Variants in DUSP4 observed in about 807,000 individuals in gnomAD.
The protein encoded by DUSP4 is dual specificity protein phosphatase 4.
Under a neutral mutation model 27.2 loss-of-function variants are expected in DUSP4, and 12 were observed. That is an observed-to-expected ratio of 0.44 (90% CI 0.28 to 0.71). The LOEUF (loss-of-function observed/expected upper bound fraction) is 0.71, where lower values mean the gene tolerates loss of function less well. Ranked by LOEUF, DUSP4 falls within the 30% of genes least tolerant of loss-of-function variation. The probability of loss-of-function intolerance (pLI) is 0.14; values close to 1 mark genes in which losing one functional copy is unlikely to be tolerated. For synonymous variants in DUSP4, 257 were observed against 245.2 expected (o/e 1.05, Z -0.45); for missense variants, 448 against 551.3 (o/e 0.81, Z 1.88).
chr8:29,346,205 G>T, intron 1 of DUSP4: 1 of 407,908 alleles, frequency 2.5e-6, no homozygotes, highest in African/African-American at 2.2e-5. Context: ...GGGCTGTATG[G>T]TCAGGCCCTG....
intron 1 of DUSP4, chr8:29,348,349 C>T (rs1817765797): frequency 1.0e-6 from 1 of 985,582 alleles, no homozygotes; most frequent in South Asian, 4.7e-5. Flanking sequence ...CTAACCAGGA[C>T]CTGGCCCCGC....
At position 29,345,244 on chromosome 8, in the gene DUSP4, A is replaced by C. The variant is rs1817713508; in HGVS notation, c.433+4602T>G. ...CTTGCCAGAAAAGTCATGCTCTTGCAAGAAAGTCTGGGGTTGTTTGAAGGC... is the reference window on the plus strand; with the variant it reads ...CTTGCCAGAAAAGTCATGCTCTTGCCAGAAAGTCTGGGGTTGTTTGAAGGC... On this transcript the variant is annotated intron_variant, in intron 1 of 3. Coordinates refer to ENST00000240100, the MANE Select transcript of DUSP4 (RefSeq NM_001394.7). 9.4e-6 allele frequency: 11 copies of C among 1,164,376 alleles called. 1 individual carries two copies. The allele number at this position is 1,164,376 out of a possible 1,614,324, so 72.1% of individuals were successfully genotyped here.
chr8:29,341,732 C>T (rs1817658528), intron 1 of DUSP4, among the ~76,000 whole-genome samples: 1 of 152,150 alleles, frequency 6.6e-6, no homozygotes, highest in African/African-American at 2.4e-5. Context: ...CGGCTGCCAC[C>T]ACTGCTGCCC....
rs1204300773 is a variant in DUSP4, at chr8:29,350,101, A to G, written c.178T>C (p.Tyr60His). Residue 60 changes from tyrosine to histidine, a missense_variant, in exon 1 of 4, where the codon TAC becomes CAC. Physicochemically the swap from Tyr to His is moderately conservative, Grantham distance 83. Coordinates refer to ENST00000240100, the MANE Select transcript of DUSP4 (RefSeq NM_001394.7). ...CGCACGTTGACCGAACCTAGGATGT[A>G]GCCCGCGCTGTGCGCCAGGAACGGT... ...CRPFLAHSAGYILGSVNVRCN... is the reference protein window; with the variant it reads ...CRPFLAHSAGHILGSVNVRCN... 2 of 1,608,826 alleles carry G rather than the reference A, an allele frequency of 1.2e-6. No individual in the cohort carries two copies. The highest frequency in any genetic ancestry group is 2.2e-5 in the East Asian group (1 of 44,816).
intron 1 of DUSP4, chr8:29,345,457 C>G: frequency 6.2e-7 from 1 of 1,613,836 alleles, no homozygotes. Flanking sequence ...GGTTTGCAGT[C>G]TCTCCCAGTC....
intron 1 of DUSP4, among the ~76,000 whole-genome samples, chr8:29,340,588 A>G (rs1265362884): frequency 1.3e-5 from 2 of 152,276 alleles, no homozygotes; most frequent in African/African-American, 4.8e-5. Flanking sequence ...AGCAAAGGTC[A>G]CGCTGGGCTT....
intron 1 of DUSP4, chr8:29,345,775 A>G (rs1308541353): frequency 7.8e-7 from 1 of 1,280,156 alleles, no homozygotes; most frequent in Non-Finnish European, 9.8e-7. Flanking sequence ...ATTTACACCT[A>G]CATCTGTCTT....
rs765560725 is a variant in DUSP4, at chr8:29,336,630, T to C, written c.*396A>G. 5.8e-6 allele frequency: 1 copy of C among 173,160 alleles called. No homozygotes were observed. The highest frequency in any genetic ancestry group is 1.2e-5 in the Non-Finnish European group (1 of 81,820). The allele number at this position is 173,160 out of a possible 1,614,324, so 10.7% of individuals were successfully genotyped here. On this transcript the variant is annotated 3_prime_UTR_variant, in exon 4 of 4. Coordinates refer to ENST00000240100, the MANE Select transcript of DUSP4 (RefSeq NM_001394.7). ...AGGCACTTCTGGGAAACTTGTCTTC[T>C]CATCCCTTTGCCCTCCCTTCCTCCC...
intron 1 of DUSP4, chr8:29,347,849 C>T: frequency 1.7e-5 from 17 of 985,610 alleles, no homozygotes; most frequent in Non-Finnish European, 2.0e-5. Flanking sequence ...GCTCTCGAAT[C>T]GGTCTGGCTG....
At chr8:29,339,744 C>T (rs1287640894) in intron 2 of DUSP4, among the ~76,000 whole-genome samples, 3 of 152,076 alleles carry the variant, frequency 2.0e-5, no homozygotes, top group Non-Finnish European at 4.4e-5. Flanking sequence ...TGGCTCACGC[C>T]TGTGATCCCA....
Position 29,350,573 on chromosome 8 carries a change from T to C in DUSP4, c.-295A>G. 2.7e-6 allele frequency: 1 copy of C among 366,682 alleles called. No individual in the cohort carries two copies. Among genetic ancestry groups the C allele is most frequent in the Non-Finnish European group, 4.9e-6 (1 of 205,644 alleles). 22.7% of individuals were successfully genotyped at this position (366,682 alleles called of 1,614,324 possible). On this transcript the variant is annotated 5_prime_UTR_variant, in exon 1 of 4. Transcript: ENST00000240100. Reference sequence around the variant, plus strand: ...TTTACGAGAGAGGACCGCGGACTCTTTTCGGCGACGGCCTCCCGTGTATTT... The same window carrying C: ...TTTACGAGAGAGGACCGCGGACTCTCTTCGGCGACGGCCTCCCGTGTATTT...
chr8:29,340,638 T>C (rs1349869997), intron 1 of DUSP4, among the ~76,000 whole-genome samples: 1 of 152,128 alleles, frequency 6.6e-6, no homozygotes, highest in Admixed American at 6.5e-5. Context: ...CTGCCACCCC[T>C]GATTCCAGCC....
At position 29,338,359 on chromosome 8, in the gene DUSP4, T is replaced by G; in HGVS notation, c.722A>C (p.Gln241Pro). Residue 241 changes from glutamine (Q) to proline (P), a missense_variant, in exon 3 of 4, where the codon CAG becomes CCG. By Grantham distance (76) the Gln-to-Pro change is moderately conservative. Coordinates refer to ENST00000240100, the MANE Select transcript of DUSP4 (RefSeq NM_001394.7). ...ATCTTCCACTGGGATGCACTTGTAC[T>G]GATAGTGTCCTTCAAAGTGGTTTGG... ...DCPNHFEGHY[Q>P]YKCIPVEDNH... The G allele has an allele frequency of 6.2e-7, 1 of 1,614,204 alleles. No homozygotes were observed. Among genetic ancestry groups the G allele is most frequent in the Non-Finnish European group, 8.5e-7 (1 of 1,180,034 alleles).
chr8:29,334,149 A>C lies in DUSP4; in HGVS notation c.*2877T>G, dbSNP rs1251612729. 6.6e-6 allele frequency: 1 copy of C among 152,234 alleles called. No homozygotes were observed. Among genetic ancestry groups the C allele is most frequent in the Non-Finnish European group, 1.5e-5 (1 of 68,048 alleles). 9.4% of individuals were successfully genotyped at this position (152,234 alleles called of 1,614,324 possible). A position where few individuals can be genotyped will look rare whatever the true frequency, so the allele number is the denominator to read the frequency against. On this transcript the variant is annotated 3_prime_UTR_variant, in exon 4 of 4. Coordinates refer to ENST00000240100, the MANE Select transcript of DUSP4 (RefSeq NM_001394.7). ...GAATAGGCAGCATTCCTCACTCTAC[A>C]GAACACCCAATGAGCATCCTGTCTT...
At chr8:29,344,785 T>G (rs1230660022) in intron 1 of DUSP4, among the ~76,000 whole-genome samples, 3 of 152,066 alleles carry the variant, frequency 2.0e-5, no homozygotes, top group Non-Finnish European at 2.9e-5. Flanking sequence ...TTACTGGGAT[T>G]TGTGATGGGG....
At chr8:29,341,422 C>G (rs1223937468) in intron 1 of DUSP4, among the ~76,000 whole-genome samples, 1 of 152,214 alleles carries the variant, frequency 6.6e-6, no homozygotes, top group Non-Finnish European at 1.5e-5. Flanking sequence ...AAGACTGCTT[C>G]CTACTGAGAG....
chr8:29,339,649 A>G (rs1379769541), intron 2 of DUSP4, among the ~76,000 whole-genome samples: 1 of 151,918 alleles, frequency 6.6e-6, no homozygotes, highest in Non-Finnish European at 1.5e-5. Flanking sequence ...CTAACATCCC[A>G]CCCCAATACT....
chr8:29,345,141 G>A (rs1817709298), intron 1 of DUSP4, among the ~76,000 whole-genome samples: 2 of 152,162 alleles, frequency 1.3e-5, no homozygotes, highest in Non-Finnish European at 1.5e-5. Context: ...GAATCTTAAT[G>A]TGGCTGCCAC....
At chr8:29,339,242 C>T (rs1232448059) in intron 2 of DUSP4, among the ~76,000 whole-genome samples, 1 of 152,170 alleles carries the variant, frequency 6.6e-6, no homozygotes, top group Non-Finnish European at 1.5e-5. Context: ...GAGAGAGGAT[C>T]TTGGCAAAAT....
Sources: allele counts gnomAD v4.1 joint callset (sites outside exome capture counted in the v4.1 genomes callset), GRCh38; gene constraint gnomAD v4.1.1; transcripts MANE v1.5; gene names NCBI Gene and HGNC (gene_info 2026-07-23, HGNC 2026-07-21).